The following ALK variants were observed in gnomAD, a reference collection of about 807,000 sequenced individuals.
ALK encodes the protein ALK tyrosine kinase receptor.
ALK carries 74 observed loss-of-function variants against 163.1 expected under a neutral mutation model. The ratio of observed to expected loss-of-function variants is 0.45; its 90% CI spans 0.38 to 0.55. ALK has a LOEUF of 0.55. ALK is among the 20% of genes least tolerant of loss of function. The pLI, the probability that ALK is intolerant of heterozygous loss-of-function variation, is 0.00. For synonymous variants in ALK, 960 were observed against 843.2 expected, an observed-to-expected ratio of 1.14 and a Z score of -2.40; for missense variants, 2,063 against 2,105.3, an observed-to-expected ratio of 0.98 and a Z score of 0.39.
chr2:29,479,347 G>A (rs1027359190), intron 4 of ALK, among the ~76,000 whole-genome samples: 4 of 152,178 alleles, frequency 2.6e-5, no homozygotes. Context: ...CCAAGACCTA[G>A]GAGGTAGCTA....
At chr2:29,401,683 A>T (rs1285296369) in intron 4 of ALK, among the ~76,000 whole-genome samples, 2 of 152,120 alleles carry the variant, frequency 1.3e-5, no homozygotes, top group African/African-American at 4.8e-5. Context: ...CCTTCAGACC[A>T]AGTTCCTGTC....
At chr2:29,263,570 C>T (rs1489026919) in intron 11 of ALK, among the ~76,000 whole-genome samples, 1 of 151,994 alleles carries the variant, frequency 6.6e-6, no homozygotes, top group Non-Finnish European at 1.5e-5. Context: ...ATTTCAGGGG[C>T]AGAAAAGAAA....
At chr2:29,647,482 T>G (rs568321148) in intron 3 of ALK, among the ~76,000 whole-genome samples, 135 of 152,278 alleles carry the variant, frequency 8.9e-4, no homozygotes, top group Non-Finnish European at 1.3e-3. Context: ...TCTATCTCAG[T>G]GGCCTGCAAT....
chr2:29,682,373 C>T (rs1003386309), intron 3 of ALK, among the ~76,000 whole-genome samples: 2 of 152,104 alleles, frequency 1.3e-5, no homozygotes, highest in African/African-American at 4.8e-5. Context: ...ATTTTGATGA[C>T]TCTTTTTTTT....
At chr2:29,598,734 G>C (rs2148212802) in intron 3 of ALK, among the ~76,000 whole-genome samples, 1 of 152,204 alleles carries the variant, frequency 6.6e-6, no homozygotes, top group Non-Finnish European at 1.5e-5. Context: ...TATTAATATT[G>C]ATTAAAAGCC....
At chr2:29,671,192 T>C (rs1015758244) in intron 3 of ALK, among the ~76,000 whole-genome samples, 2 of 152,108 alleles carry the variant, frequency 1.3e-5, no homozygotes, top group Non-Finnish European at 1.5e-5. Context: ...GCCTCCTTTT[T>C]GGTTCTAAGT....
chr2:29,519,420 T>G (rs992619920), intron 4 of ALK, among the ~76,000 whole-genome samples: 2 of 152,230 alleles, frequency 1.3e-5, no homozygotes, highest in Non-Finnish European at 2.9e-5. Flanking sequence ...AACAGTCATG[T>G]AGGATTGTGA....
chr2:29,347,809 C>A (rs959148799), intron 5 of ALK, among the ~76,000 whole-genome samples: 1 of 152,180 alleles, frequency 6.6e-6, no homozygotes, highest in Non-Finnish European at 1.5e-5. Flanking sequence ...ACCTTTGCAA[C>A]TATAACTGGG....
chr2:29,428,984 G>T (rs1181784231), intron 4 of ALK, among the ~76,000 whole-genome samples: 2 of 151,992 alleles, frequency 1.3e-5, no homozygotes, highest in Admixed American at 6.6e-5. Flanking sequence ...AACCACATCA[G>T]TAGAGTAGAA....
chr2:29,601,276 A>T (rs572984566), intron 3 of ALK, among the ~76,000 whole-genome samples: 1 of 152,354 alleles, frequency 6.6e-6, no homozygotes, highest in South Asian at 2.1e-4. Context: ...TTTAATACTT[A>T]TCAAGACATT....
At chr2:29,701,498 G>T (rs1032495640) in intron 2 of ALK, among the ~76,000 whole-genome samples, 1 of 152,120 alleles carries the variant, frequency 6.6e-6, no homozygotes, top group Non-Finnish European at 1.5e-5. Flanking sequence ...AGAATGAAAG[G>T]AAGAGTCATA....
At chr2:29,734,811 T>G (rs1679847074) in intron 1 of ALK, among the ~76,000 whole-genome samples, 1 of 152,088 alleles carries the variant, frequency 6.6e-6, no homozygotes, top group African/African-American at 2.4e-5. Context: ...CTTAAATAAT[T>G]TAAATAAATT....
rs1425948405 is a variant in ALK at position 29,318,538 on chromosome 2, A to G, written c.1547-134T>C. 13 of 686,102 alleles carry G rather than the reference A, an allele frequency of 1.9e-5. No homozygotes were observed. In the Admixed American group the frequency reaches 2.2e-4, roughly 12 times the overall value. The allele number at this position is 686,102 out of a possible 1,614,324, so 42.5% of individuals were successfully genotyped here. On this transcript the variant is annotated intron_variant, in intron 7 of 28. Transcript: ENST00000389048. ...TGAGGAAACAGGTTTCTGGCCTGCA[A>G]TGGAGAAGAAAGCCCACCTGTCAAC...
At chr2:29,746,832 G>C (rs1048042884) in intron 1 of ALK, among the ~76,000 whole-genome samples, 8 of 152,122 alleles carry the variant, frequency 5.3e-5, no homozygotes, top group African/African-American at 1.9e-4. Context: ...TTTTCACCTG[G>C]GAGAGAAAAT....
intron 26 of ALK, among the ~76,000 whole-genome samples, chr2:29,201,616 G>A (rs749900702): frequency 5.3e-5 from 8 of 151,870 alleles, no homozygotes; most frequent in Non-Finnish European, 8.8e-5. Flanking sequence ...GTGAAATCCC[G>A]TCTCTACTAA....
At chr2:29,603,430 T>G (rs1390153443) in intron 3 of ALK, among the ~76,000 whole-genome samples, 1 of 151,852 alleles carries the variant, frequency 6.6e-6, no homozygotes, top group East Asian at 1.9e-4. Context: ...TACACTAGAG[T>G]CAGGCTGGAA....
chr2:29,734,168 G>C (rs930230309), intron 1 of ALK, among the ~76,000 whole-genome samples: 2 of 152,162 alleles, frequency 1.3e-5, no homozygotes, highest in Admixed American at 6.5e-5. Context: ...TTCTAGCCAT[G>C]TGTCCAAGAT....
intron 1 of ALK, among the ~76,000 whole-genome samples, chr2:29,902,102 G>A (rs1429906781): frequency 6.6e-6 from 1 of 152,126 alleles, no homozygotes; most frequent in Non-Finnish European, 1.5e-5. Flanking sequence ...AAATCCCCAT[G>A]CCCAGCCCTG....
chr2:29,576,881 C>G (rs1202789863), intron 3 of ALK, among the ~76,000 whole-genome samples: 1 of 151,866 alleles, frequency 6.6e-6, no homozygotes, highest in Non-Finnish European at 1.5e-5. Context: ...ATGGGACCAT[C>G]TAGTTGCAGG....
Sources: allele counts gnomAD v4.1 joint callset (sites outside exome capture counted in the v4.1 genomes callset), GRCh38; gene constraint gnomAD v4.1.1; transcripts MANE v1.5; gene names NCBI Gene and HGNC (gene_info 2026-07-23, HGNC 2026-07-21).